PPP2R2D: variants seen among roughly 807,000 people sequenced by gnomAD.
PPP2R2D encodes the protein protein phosphatase 2 regulatory subunit Bdelta, also known as serine/threonine-protein phosphatase 2A 55 kDa regulatory subunit B delta isoform.
A neutral mutation model predicts 31.1 loss-of-function variants in PPP2R2D; 9 were observed. The observed-to-expected ratio is 0.29, with a 90% CI of 0.17 to 0.51. The LOEUF is 0.51. Among genes scored for constraint, PPP2R2D ranks in the 20% least tolerant of loss-of-function variants. PPP2R2D has a pLI of 0.98. For missense variants in PPP2R2D, 391 were observed against 465.6 expected, an observed-to-expected ratio of 0.84 and a Z score of 1.48; for synonymous variants, 179 against 172.6, an observed-to-expected ratio of 1.04 and a Z score of -0.29.
At chr10:131,928,215 C>T (rs1589941480) in intron 2 of PPP2R2D, among the ~76,000 whole-genome samples, 2 of 152,172 alleles carry the variant, frequency 1.3e-5, no homozygotes, top group African/African-American at 4.8e-5. Flanking sequence ...CTAGTGCCTC[C>T]GGTAGGGCGC....
intron 2 of PPP2R2D, among the ~76,000 whole-genome samples, chr10:131,923,819 GTGGTGCTGTCATAGCTCAC>G (rs1241405874): frequency 6.6e-6 from 1 of 152,082 alleles, no homozygotes; most frequent in Non-Finnish European, 1.5e-5. Flanking sequence ...CTAGAGTGCA[GTGGTGCTGTCATAGCTCAC>G]TGTTAACTCC....
At chr10:131,918,894 CAT>C (rs1554893715) in intron 2 of PPP2R2D, among the ~76,000 whole-genome samples, 13 of 140,706 alleles carry the variant, frequency 9.2e-5, no homozygotes, top group African/African-American at 2.4e-4. Flanking sequence ...AGGGACCTCA[CAT>C]GGGTGGAATG....
At chr10:131,969,720 T>G in the PPP2R2D span, 1 of 152,282 alleles carries the variant, frequency 6.6e-6, no homozygotes. Context: ...CACAGAACAC[T>G]GTCTGCACGC....
intron 2 of PPP2R2D, among the ~76,000 whole-genome samples, chr10:131,923,420 A>G (rs2119817566): frequency 6.6e-6 from 1 of 152,260 alleles, no homozygotes; most frequent in African/African-American, 2.4e-5. Flanking sequence ...ATTCTTGTAC[A>G]TGTTTTTGTA....
chr10:131,961,741 C>G (rs892535561), downstream of PPP2R2D, among the ~76,000 whole-genome samples: 3 of 152,198 alleles, frequency 2.0e-5, no homozygotes, highest in Non-Finnish European at 4.4e-5. Flanking sequence ...GCACCCAGTC[C>G]CAAGGGCACA....
intron 2 of PPP2R2D, among the ~76,000 whole-genome samples, chr10:131,915,663 C>G (rs1308139841): frequency 6.6e-6 from 1 of 152,146 alleles, no homozygotes; most frequent in Non-Finnish European, 1.5e-5. Flanking sequence ...AGACAGAGGC[C>G]GATGGGGAAT....
At chr10:131,960,773 T>G (rs1485960542), downstream of PPP2R2D, among the ~76,000 whole-genome samples, 2 of 152,206 alleles carry the variant, frequency 1.3e-5, no homozygotes, top group African/African-American at 4.8e-5. Flanking sequence ...ACCTGTGCTG[T>G]GCGTCCTTGG....
chr10:131,932,650 A>AAAAAAAAAAAAG (rs2036259283), intron 2 of PPP2R2D, among the ~76,000 whole-genome samples: 1 of 143,826 alleles, frequency 7.0e-6, no homozygotes, highest in Admixed American at 6.8e-5. Context: ...CTGTCTCAAA[A>AAAAAAAAAAAAG]AAAAAAAAAA....
chr10:131,951,470 C>T (rs1356397583), intron 8 of PPP2R2D, among the ~76,000 whole-genome samples: 4 of 152,210 alleles, frequency 2.6e-5, no homozygotes, highest in Admixed American at 6.5e-5. Context: ...AGGAGGAATG[C>T]GTACGGTGCA....
At chr10:131,912,765 T>C (rs1038282205) in intron 2 of PPP2R2D, among the ~76,000 whole-genome samples, 2 of 152,228 alleles carry the variant, frequency 1.3e-5, no homozygotes, top group African/African-American at 4.8e-5. Flanking sequence ...GGCTGCCTTT[T>C]TATGTGGCTC....
At chr10:131,950,622 A>T (rs2036619936) in intron 8 of PPP2R2D, among the ~76,000 whole-genome samples, 1 of 152,200 alleles carries the variant, frequency 6.6e-6, no homozygotes, top group Admixed American at 6.5e-5. Context: ...CACAACAGGA[A>T]ACTCAGTAGA....
At chr10:131,925,139 AT>A (rs2036079929) in intron 2 of PPP2R2D, among the ~76,000 whole-genome samples, 1 of 152,080 alleles carries the variant, frequency 6.6e-6, no homozygotes, top group Non-Finnish European at 1.5e-5. Context: ...GATGCCTTTT[AT>A]TTATTTTCTT....
At chr10:131,906,912 G>T (rs1464988061) in intron 2 of PPP2R2D, among the ~76,000 whole-genome samples, 1 of 151,958 alleles carries the variant, frequency 6.6e-6, no homozygotes, top group Non-Finnish European at 1.5e-5. Flanking sequence ...CTGCACTCCA[G>T]CCTGGGCAAT....
At chr10:131,954,049 G>A (rs373340116) in intron 8 of PPP2R2D, among the ~76,000 whole-genome samples, 5 of 152,244 alleles carry the variant, frequency 3.3e-5, no homozygotes, top group East Asian at 1.9e-4. Flanking sequence ...GTGTGGCAGC[G>A]CCTTCTTGTG....
At chr10:131,949,542 A>G (rs2036602599) in intron 8 of PPP2R2D, among the ~76,000 whole-genome samples, 1 of 152,242 alleles carries the variant, frequency 6.6e-6, no homozygotes, top group African/African-American at 2.4e-5. Flanking sequence ...TGAGCAAGTC[A>G]GCAGAACCAC....
intron 2 of PPP2R2D, among the ~76,000 whole-genome samples, chr10:131,923,934 A>G (rs569656810): frequency 6.6e-6 from 1 of 152,002 alleles, no homozygotes; most frequent in Non-Finnish European, 1.5e-5. Context: ...CTTTTAAAAA[A>G]TTTTTGATAG....
chr10:131,936,266 A>G (rs1328222485), intron 3 of PPP2R2D, among the ~76,000 whole-genome samples: 1 of 151,482 alleles, frequency 6.6e-6, no homozygotes, highest in Non-Finnish European at 1.5e-5. Flanking sequence ...GCCCTGACTC[A>G]GCCTCCCAAG....
intron 2 of PPP2R2D, among the ~76,000 whole-genome samples, chr10:131,915,627 A>G (rs150845277): frequency 1.9e-3 from 295 of 152,212 alleles, no homozygotes; most frequent in Middle Eastern, 0.01. Context: ...TGTTTATCCA[A>G]ATAGATCCAT....
At chr10:131,921,676 G>T (rs2035991184) in intron 2 of PPP2R2D, among the ~76,000 whole-genome samples, 1 of 152,216 alleles carries the variant, frequency 6.6e-6, no homozygotes. Flanking sequence ...CTCACTGGCT[G>T]CAGTGTGCGG....
Sources: gnomAD v4.1 joint callset for allele counts (sites outside exome capture counted in the v4.1 genomes callset) on GRCh38, gnomAD v4.1.1 for gene constraint, MANE v1.5 for transcripts, NCBI Gene and HGNC (gene_info 2026-07-23, HGNC 2026-07-21) for gene names.